PTK2: variants seen among roughly 807,000 people sequenced by gnomAD.
The protein encoded by PTK2 is focal adhesion kinase 1.
In PTK2, 45 loss-of-function variants were observed where a neutral mutation model predicts 150.1. That is an observed-to-expected ratio of 0.30 (90% CI 0.24 to 0.38). The LOEUF (loss-of-function observed/expected upper bound fraction) is 0.38. Among genes scored for constraint, PTK2 ranks in the 10% least tolerant of loss-of-function variants. The pLI, the probability that PTK2 is intolerant of heterozygous loss-of-function variation, is 1.00. For missense variants in PTK2, 919 were observed against 1,307.3 expected, an observed-to-expected ratio of 0.70 and a Z score of 4.58; for synonymous variants, 432 against 449.2, an observed-to-expected ratio of 0.96 and a Z score of 0.48.
intron 10 of PTK2, among the ~76,000 whole-genome samples, chr8:140,817,644 C>G (rs1207042488): frequency 6.6e-6 from 1 of 152,102 alleles, no homozygotes; most frequent in African/African-American, 2.4e-5. Flanking sequence ...CAACTATAAG[C>G]TACATAAAGA....
chr8:140,928,445 C>T (rs1378200995), intron 1 of PTK2, among the ~76,000 whole-genome samples: 7 of 152,164 alleles, frequency 4.6e-5, no homozygotes, highest in Non-Finnish European at 1.0e-4. Flanking sequence ...ATTCAATAAT[C>T]CCACTTCTGG....
At chr8:140,703,787 T>A (rs977888862) in intron 24 of PTK2, among the ~76,000 whole-genome samples, 1 of 152,226 alleles carries the variant, frequency 6.6e-6, no homozygotes, top group African/African-American at 2.4e-5. Flanking sequence ...TTTCTTTACA[T>A]GGTTCCTTCT....
At chr8:140,745,518 G>A (rs2100058186) in intron 18 of PTK2, among the ~76,000 whole-genome samples, 2 of 152,164 alleles carry the variant, frequency 1.3e-5, no homozygotes, top group African/African-American at 4.8e-5. Flanking sequence ...ATTTGATTTG[G>A]TGGAGGAGGA....
chr8:140,730,727 A>G (rs1443205172), intron 22 of PTK2, among the ~76,000 whole-genome samples: 1 of 152,246 alleles, frequency 6.6e-6, no homozygotes, highest in Non-Finnish European at 1.5e-5. Flanking sequence ...TGCCTAAAAT[A>G]TATTTAAGAA....
At chr8:140,716,339 T>C (rs1276507828) in intron 23 of PTK2, among the ~76,000 whole-genome samples, 1 of 152,222 alleles carries the variant, frequency 6.6e-6, no homozygotes, top group Non-Finnish European at 1.5e-5. Flanking sequence ...GGGCCTCAGA[T>C]GCTGGGATGC....
At chr8:140,977,603 C>G (rs931567574) in intron 1 of PTK2, among the ~76,000 whole-genome samples, 1 of 138,888 alleles carries the variant, frequency 7.2e-6, no homozygotes, top group African/African-American at 2.6e-5. Flanking sequence ...GCCTGGGCGA[C>G]AGAGCAAGAC....
chr8:140,878,926 T>C (rs2154607038), intron 4 of PTK2, among the ~76,000 whole-genome samples: 1 of 152,230 alleles, frequency 6.6e-6, no homozygotes, highest in South Asian at 2.1e-4. Context: ...CTGAAATAAT[T>C]TTATTTTCCT....
intron 2 of PTK2, among the ~76,000 whole-genome samples, chr8:140,919,159 T>C (rs2100166447): frequency 6.6e-6 from 1 of 152,204 alleles, no homozygotes; most frequent in Non-Finnish European, 1.5e-5. Flanking sequence ...TATGAGGAGA[T>C]GGCTTGCTGC....
intron 1 of PTK2, among the ~76,000 whole-genome samples, chr8:140,978,134 T>TA (rs1377090121): frequency 6.6e-6 from 1 of 152,164 alleles, no homozygotes; most frequent in Non-Finnish European, 1.5e-5. Flanking sequence ...ACTTAAATGT[T>TA]AGACCTAAAA....
In PTK2 at chr8:140,820,103, TTTTTTTTTTTTTTTTA is replaced by T. The variant is rs1277760306; in HGVS notation, c.649-1099_649-1084del. On this transcript the variant is annotated intron_variant, in intron 8 of 31. Transcript: ENST00000522684. ...TTTTTTTTTTTTTTTTTTTTTTTTT[TTTTTTTTTTTTTTTTA>T]AATAGGGTCTCACTCTGTCGCCCAG... 2.3e-3 allele frequency among the ~76,000 whole-genome samples: 178 copies of T among 78,182 alleles called. 7 individuals carry two copies. Among genetic ancestry groups the T allele is most frequent in the African/African-American group, 8.0e-3 (138 of 17,226 alleles). The allele number at this position is 78,182 out of a possible 152,430, so 51.3% of individuals were successfully genotyped here. A position where few individuals can be genotyped will look rare whatever the true frequency, so the allele number is the denominator to read the frequency against.
chr8:140,845,503 T>G (rs2100124846), intron 7 of PTK2, among the ~76,000 whole-genome samples: 1 of 152,188 alleles, frequency 6.6e-6, no homozygotes, highest in African/African-American at 2.4e-5. Flanking sequence ...TTAGGTTAAA[T>G]AACATCTCCA....
intron 2 of PTK2, among the ~76,000 whole-genome samples, chr8:140,916,120 G>A (rs2100165175): frequency 6.6e-6 from 1 of 152,202 alleles, no homozygotes; most frequent in African/African-American, 2.4e-5. Context: ...GAAATGAAAA[G>A]GGAGAGTTCA....
chr8:140,938,137 T>C (rs908923382), intron 1 of PTK2, among the ~76,000 whole-genome samples: 3 of 152,146 alleles, frequency 2.0e-5, no homozygotes, highest in Non-Finnish European at 4.4e-5. Context: ...AGAGAGACGA[T>C]GCAAATAGAA....
chr8:140,831,318 A>T (rs1479029501), intron 7 of PTK2, among the ~76,000 whole-genome samples: 1 of 152,222 alleles, frequency 6.6e-6, no homozygotes, highest in Admixed American at 6.5e-5. Flanking sequence ...AATGCCTCTG[A>T]CGACATTAAG....
At chr8:140,868,977 T>C (rs1044742454) in intron 4 of PTK2, among the ~76,000 whole-genome samples, 3 of 152,224 alleles carry the variant, frequency 2.0e-5, no homozygotes, top group Non-Finnish European at 4.4e-5. Flanking sequence ...TTTAAGATTT[T>C]AATATTTAGG....
chr8:140,852,384 T>C (rs1478930835), intron 5 of PTK2, among the ~76,000 whole-genome samples: 1 of 152,222 alleles, frequency 6.6e-6, no homozygotes, highest in Non-Finnish European at 1.5e-5. Context: ...ATCTTGATTA[T>C]GATGATTACA....
At chr8:140,812,846 T>TA (rs543701842) in intron 10 of PTK2, among the ~76,000 whole-genome samples, 39 of 152,070 alleles carry the variant, frequency 2.6e-4, no homozygotes, top group East Asian at 1.2e-3. Context: ...CCTAAATATA[T>TA]AAAAAAACCA....
intron 10 of PTK2, among the ~76,000 whole-genome samples, chr8:140,808,146 T>C (rs2100099206): frequency 1.3e-5 from 2 of 152,216 alleles, no homozygotes; most frequent in Non-Finnish European, 2.9e-5. Flanking sequence ...TGGGAGAAAC[T>C]ATACATTTTT....
At chr8:140,947,858 C>A (rs948001071) in intron 1 of PTK2, among the ~76,000 whole-genome samples, 2 of 152,038 alleles carry the variant, frequency 1.3e-5, no homozygotes, top group African/African-American at 4.8e-5. Flanking sequence ...CAGGCTAACT[C>A]AGCATTTACC....
Sources: gnomAD v4.1 joint callset for allele counts (sites outside exome capture counted in the v4.1 genomes callset) on GRCh38, gnomAD v4.1.1 for gene constraint, MANE v1.5 for transcripts, NCBI Gene and HGNC (gene_info 2026-07-23, HGNC 2026-07-21) for gene names.